The following PALLD variants were observed in gnomAD, a reference collection of about 807,000 sequenced individuals.
PALLD encodes palladin.
Under a neutral mutation model 123.5 loss-of-function variants are expected in PALLD, and 61 were observed. The observed-to-expected ratio is 0.49, with a 90% confidence interval of 0.40 to 0.61. The LOEUF (loss-of-function observed/expected upper bound fraction) is 0.61. PALLD is among the 20% of genes least tolerant of loss of function. The pLI, the probability that PALLD is intolerant of heterozygous loss-of-function variation, is 0.00. For synonymous variants in PALLD, 465 were observed against 496.4 expected (o/e 0.94, Z 0.84); for missense variants, 1,273 against 1,377.0 (o/e 0.92, Z 1.20).
intron 3 of PALLD, among the ~76,000 whole-genome samples, chr4:168,676,680 G>A (rs1010189020): frequency 2.6e-5 from 4 of 151,692 alleles, no homozygotes; most frequent in Middle Eastern, 3.4e-3. Context: ...CCACCTCCTG[G>A]GTTCACACCA....
rs1561490772 is a variant in PALLD, at chr4:168,759,220, TATATATATATATATATATATATATAG to T, written c.1964+47299_1964+47324del. 3.5e-3 allele frequency among the ~76,000 whole-genome samples: 106 copies of T among 30,172 alleles called. 2 individuals carry two copies. The highest frequency in any genetic ancestry group is 0.013 in the African/African-American group (97 of 7,550). 19.8% of individuals were successfully genotyped at this position (30,172 alleles called of 152,430 possible). On this transcript the variant is annotated intron_variant, in intron 10 of 21. Transcript: ENST00000505667. ...AAAAAAAAATATATATATATATATATATATATATATATATATATATATATAGAAACAATATATGCTCCATTATACTG... is the reference window on the plus strand; with the variant it reads ...AAAAAAAAATATATATATATATATATAAACAATATATGCTCCATTATACTG...
At chr4:168,734,105 A>C (rs1410129407) in intron 10 of PALLD, among the ~76,000 whole-genome samples, 1 of 152,216 alleles carries the variant, frequency 6.6e-6, no homozygotes, top group African/African-American at 2.4e-5. Context: ...TATCGGTTTG[A>C]TACTTAGAAA....
At chr4:168,832,156 G>A (rs932947869) in intron 10 of PALLD, 2 of 985,408 alleles carry the variant, frequency 2.0e-6, no homozygotes, top group African/African-American at 1.7e-5. Context: ...AGCGGGAGGC[G>A]GCCCGGAGAG....
chr4:168,871,679 T>C (rs769568356), intron 10 of PALLD, among the ~76,000 whole-genome samples: 17 of 152,208 alleles, frequency 1.1e-4, no homozygotes, highest in Non-Finnish European at 2.2e-4. Flanking sequence ...GAAAATCATT[T>C]TGGGCATTTA....
intron 6 of PALLD, among the ~76,000 whole-genome samples, chr4:168,687,621 T>C (rs992530738): frequency 1.3e-5 from 2 of 152,220 alleles, no homozygotes; most frequent in Non-Finnish European, 2.9e-5. Flanking sequence ...ATTTGCTTTC[T>C]TTCACTACCG....
rs887003243 is a variant in PALLD at position 168,658,301 on chromosome 4, T to G, written c.909-9889T>G. On this transcript the variant is annotated intron_variant, in intron 2 of 21. Coordinates refer to ENST00000505667, the MANE Select transcript of PALLD (RefSeq NM_001166108.2). ...TTTTATTTGGTTTTTTTTTTTTTTT[T>G]TGTGATGAGATCTTGCTTTGTCACT... Among the ~76,000 whole-genome samples, 39 of 150,236 alleles carry G rather than the reference T, an allele frequency of 2.6e-4. 1 individual carries two copies. The highest frequency in any genetic ancestry group is 9.7e-4 in the East Asian group (5 of 5,172).
chr4:168,796,504 G>A (rs902660448), intron 10 of PALLD, among the ~76,000 whole-genome samples: 2 of 152,178 alleles, frequency 1.3e-5, no homozygotes, highest in African/African-American at 4.8e-5. Context: ...GGTACACCAG[G>A]CTAGAAGGGA....
chr4:168,542,765 G>GATATATATATATAT (rs1765765754), intron 2 of PALLD, among the ~76,000 whole-genome samples: 1 of 92,564 alleles, frequency 1.1e-5, no homozygotes, highest in African/African-American at 5.0e-5. Flanking sequence ...TATATATATG[G>GATATATATATATAT]AGAGAAAGAG....
chr4:168,522,656 T>C lies in PALLD; in HGVS notation c.908+10244T>C, dbSNP rs115954575. ...TGACGTTTTGGAGTTACTTTATAAA[T>C]GTAACTGTAGCAAATACAATTTTAA... On this transcript the variant is annotated intron_variant, in intron 2 of 21. Coordinates refer to ENST00000505667, the MANE Select transcript of PALLD (RefSeq NM_001166108.2). Among the ~76,000 whole-genome samples the C allele has an allele frequency of 9.3e-3, 1,424 of 152,362 alleles. 27 individuals are homozygous for C. The highest frequency in any genetic ancestry group is 0.032 in the African/African-American group (1,329 of 41,588).
chr4:168,911,532 T>C (rs1000297150), intron 15 of PALLD, among the ~76,000 whole-genome samples: 2 of 152,194 alleles, frequency 1.3e-5, no homozygotes, highest in Admixed American at 1.3e-4. Context: ...CCAAAAAGAA[T>C]CATTAATTTT....
Position 168,691,282 on chromosome 4 carries a change from A to T in PALLD, c.1491A>T (p.Thr497=). ...TGTGGCAAACAGAACCTAGATCTAC[A>T]GCTGAACCTGGTAAGAATATTTTTA... The part of the protein sequence containing the change: ...FRILQKKPRS[T]AEPEEICTLV... The change falls in exon 8 of 22, where the codon ACA becomes ACT. Residue 497 remains threonine, a synonymous_variant. Coordinates refer to ENST00000505667, the MANE Select transcript of PALLD (RefSeq NM_001166108.2). 1.2e-6 allele frequency: 2 copies of T among 1,608,258 alleles called. No homozygotes were observed. The highest frequency in any genetic ancestry group is 8.5e-7 in the Non-Finnish European group (1 of 1,177,006).
At position 168,793,374 on chromosome 4, in the gene PALLD, T is replaced by TA. The variant is rs1737917099; in HGVS notation, c.1964+81451_1964+81452insA. On this transcript the variant is annotated intron_variant, in intron 10 of 21. Coordinates refer to ENST00000505667, the MANE Select transcript of PALLD (RefSeq NM_001166108.2). ...ATATACATATATGTGTGCATATATA[T>TA]CACATATATATACACACACATACAT... is the stretch of plus-strand genomic sequence containing the variant. 5.4e-5 allele frequency among the ~76,000 whole-genome samples: 7 copies of TA among 130,010 alleles called. 2 individuals are homozygous for TA. The highest frequency in any genetic ancestry group is 2.0e-4 in the African/African-American group (7 of 35,794). The allele number at this position is 130,010 out of a possible 152,430, so 85.3% of individuals were successfully genotyped here. A position where few individuals can be genotyped will look rare whatever the true frequency, so the allele number is the denominator to read the frequency against.
chr4:168,877,378 T>C (rs570875080), intron 10 of PALLD, among the ~76,000 whole-genome samples: 3 of 152,364 alleles, frequency 2.0e-5, no homozygotes, highest in East Asian at 1.9e-4. Context: ...GGACTGAGAA[T>C]TGATGTCGAA....
intron 9 of PALLD, among the ~76,000 whole-genome samples, chr4:168,711,258 T>G (rs1784808678): frequency 6.6e-6 from 1 of 152,208 alleles, no homozygotes; most frequent in Admixed American, 6.5e-5. Flanking sequence ...GACAAAGCAT[T>G]GTTGGTTGAT....
intron 3 of PALLD, among the ~76,000 whole-genome samples, chr4:168,673,792 G>A (rs555986701): frequency 7.2e-5 from 11 of 152,246 alleles, no homozygotes; most frequent in Admixed American, 2.0e-4. Context: ...CAGCTATACC[G>A]TTTGTGAGGA....
At chr4:168,694,440 C>G (rs1413712091) in intron 8 of PALLD, among the ~76,000 whole-genome samples, 1 of 152,172 alleles carries the variant, frequency 6.6e-6, no homozygotes, top group African/African-American at 2.4e-5. Context: ...TCCCCCTCCT[C>G]TCTGTCTCTT....
At chr4:168,760,398 A>T (rs1203589219) in intron 10 of PALLD, among the ~76,000 whole-genome samples, 3 of 152,174 alleles carry the variant, frequency 2.0e-5, no homozygotes, top group African/African-American at 4.8e-5. Context: ...GGGCTCGGTG[A>T]CCTACTTCCA....
At chr4:168,518,987 G>A (rs1763269982) in intron 2 of PALLD, among the ~76,000 whole-genome samples, 1 of 152,194 alleles carries the variant, frequency 6.6e-6, no homozygotes, top group Admixed American at 6.5e-5. Flanking sequence ...ATGAACTAGA[G>A]CTGCATGTAT....
chr4:168,804,767 C>T (rs1561542360), intron 10 of PALLD, among the ~76,000 whole-genome samples: 2 of 152,194 alleles, frequency 1.3e-5, no homozygotes, highest in African/African-American at 2.4e-5. Context: ...AGAAATTGTT[C>T]TTTTCACCAC....
Sources: gnomAD v4.1 joint callset for allele counts (sites outside exome capture counted in the v4.1 genomes callset) on GRCh38, gnomAD v4.1.1 for gene constraint, MANE v1.5 for transcripts, NCBI Gene and HGNC (gene_info 2026-07-23, HGNC 2026-07-21) for gene names.